The following CAPS2 variants were observed in gnomAD, a reference collection of about 807,000 sequenced individuals.
CAPS2 encodes the protein calcyphosine 2.
CAPS2 carries 98 observed loss-of-function variants against 86.5 expected under a neutral mutation model. The observed-to-expected ratio is 1.13, with a 90% CI of 0.96 to 1.34. The LOEUF (loss-of-function observed/expected upper bound fraction) is 1.34. Ranked by LOEUF, CAPS2 falls within the 40% of genes most tolerant of loss-of-function variation. The probability of loss-of-function intolerance (pLI) is 0.00; values close to 1 mark genes in which losing one functional copy is unlikely to be tolerated. For synonymous variants in CAPS2, 210 were observed against 225.1 expected, an observed-to-expected ratio of 0.93 and a Z score of 0.60; for missense variants, 729 against 686.8, an observed-to-expected ratio of 1.06 and a Z score of -0.69.
intron 1 of CAPS2, among the ~76,000 whole-genome samples, chr12:75,388,877 T>C (rs2045427962): frequency 6.6e-6 from 1 of 152,188 alleles, no homozygotes; most frequent in African/African-American, 2.4e-5. Flanking sequence ...AGTTTATGTA[T>C]GTGTGGGGAC....
chr12:75,293,181 C>T (rs2036298519), intron 12 of CAPS2, 68 bp downstream of exon 12: 1 of 942,782 alleles, frequency 1.1e-6, no homozygotes, highest in African/African-American at 1.6e-5. Flanking sequence ...AGTAGAATGT[C>T]ATTTTAAGAT....
upstream of CAPS2, chr12:75,326,501 G>T (rs2040800387): frequency 6.5e-7 from 1 of 1,527,976 alleles, no homozygotes; most frequent in Non-Finnish European, 8.9e-7. Context: ...AAATCCATTT[G>T]AGTTCCTGTG....
chr12:75,293,175 G>A, intron 12 of CAPS2, 74 bp downstream of exon 12: 1 of 896,930 alleles, frequency 1.1e-6, no homozygotes, highest in Non-Finnish European at 1.8e-6. Context: ...CCTTATAGTA[G>A]AATGTCATTT....
intron 8 of CAPS2, among the ~76,000 whole-genome samples, chr12:75,301,988 C>T: frequency 6.6e-6 from 1 of 152,134 alleles, no homozygotes; most frequent in East Asian, 1.9e-4. Flanking sequence ...CAACCACAAG[C>T]TACTCCTTAC....
upstream of CAPS2, among the ~76,000 whole-genome samples, chr12:75,327,656 C>T (rs905125040): frequency 6.6e-5 from 10 of 151,566 alleles, no homozygotes; most frequent in African/African-American, 2.4e-4. Flanking sequence ...TTGCCATTTT[C>T]TTATAATTTA....
intron 16 of CAPS2, among the ~76,000 whole-genome samples, chr12:75,279,862 G>A (rs961917983): frequency 6.6e-6 from 1 of 151,898 alleles, no homozygotes; most frequent in Non-Finnish European, 1.5e-5. Context: ...CATAGATTTT[G>A]GTAGAAATTT....
At chr12:75,351,717 T>C (rs1276462753) in intron 1 of CAPS2, among the ~76,000 whole-genome samples, 7 of 152,116 alleles carry the variant, frequency 4.6e-5, no homozygotes, top group Non-Finnish European at 1.0e-4. Flanking sequence ...CAGCTAATTT[T>C]TGTATTTTTA....
At chr12:75,308,321 A>G (rs2038747912) in intron 7 of CAPS2, among the ~76,000 whole-genome samples, 1 of 152,230 alleles carries the variant, frequency 6.6e-6, no homozygotes, top group Non-Finnish European at 1.5e-5. Context: ...AAAGAAATGT[A>G]TGTATGTATT....
upstream of CAPS2, among the ~76,000 whole-genome samples, chr12:75,329,319 T>A (rs1298601420): frequency 6.6e-6 from 1 of 152,206 alleles, no homozygotes; most frequent in South Asian, 2.1e-4. Context: ...CTGGGCTATG[T>A]TGGAGATAGG....
At chr12:75,298,805 G>T (rs1481180995) in intron 10 of CAPS2, 25 bp from the exon 11 acceptor site, 1 of 1,594,646 alleles carries the variant, frequency 6.3e-7, no homozygotes, top group Admixed American at 1.7e-5. Flanking sequence ...AAAAAAAAAT[G>T]GAAAGTTATT....
At chr12:75,355,374 TCAA>T (rs1342426332) in intron 1 of CAPS2, among the ~76,000 whole-genome samples, 1 of 152,104 alleles carries the variant, frequency 6.6e-6, no homozygotes, top group African/African-American at 2.4e-5. Context: ...AAAACACAGC[TCAA>T]CATCATTGGT....
At chr12:75,359,751 A>G (rs2139571269) in intron 1 of CAPS2, 1 of 152,288 alleles carries the variant, frequency 6.6e-6, no homozygotes, top group East Asian at 1.9e-4. Context: ...AAAAAAATTA[A>G]TAAATCATAC....
upstream of CAPS2, chr12:75,334,763 T>A (rs1393576611): frequency 3.7e-6 from 6 of 1,613,978 alleles, no homozygotes; most frequent in South Asian, 2.2e-5. Flanking sequence ...TGTTTATGGA[T>A]CTTGGGTCTG....
At chr12:75,367,498 C>T (rs1427455314) in intron 1 of CAPS2, among the ~76,000 whole-genome samples, 2 of 151,950 alleles carry the variant, frequency 1.3e-5, no homozygotes, top group Non-Finnish European at 2.9e-5. Context: ...ATCAATATAA[C>T]CACCTTCCAT....
chr12:75,276,931 T>G, downstream of CAPS2: 2 of 984,720 alleles, frequency 2.0e-6, no homozygotes, highest in African/African-American at 3.5e-5. Context: ...GTTGTGGATG[T>G]TTGAAATGTC....
chr12:75,278,743 G>GAAAAC (rs1047449500), exon 17 of CAPS2: 52 of 1,325,760 alleles, frequency 3.9e-5, no homozygotes, highest in Non-Finnish European at 4.6e-5. Flanking sequence ...ACATTTTTGA[G>GAAAAC]AAAACAAAAC....
At chr12:75,340,398 A>G (rs1265487372) in intron 1 of CAPS2, among the ~76,000 whole-genome samples, 1 of 151,746 alleles carries the variant, frequency 6.6e-6, no homozygotes, top group East Asian at 1.9e-4. Context: ...TAATGCCTAT[A>G]AGAAAAGAAA....
At chr12:75,291,595 A>ATATATATT (rs1555192058) in intron 13 of CAPS2, 149 bp downstream of exon 13, 1 of 79,910 alleles carries the variant, frequency 1.3e-5, no homozygotes, top group African/African-American at 3.7e-5. Context: ...ATATATATAT[A>ATATATATT]TATATATATA....
At chr12:75,333,447 T>TACACAC (rs34076211), upstream of CAPS2, among the ~76,000 whole-genome samples, 6 of 151,020 alleles carry the variant, frequency 4.0e-5, no homozygotes, top group Admixed American at 3.3e-4. Context: ...CACACACATA[T>TACACAC]ACACACACAC....
Sources: allele counts gnomAD v4.1 joint callset (sites outside exome capture counted in the v4.1 genomes callset), GRCh38; gene constraint gnomAD v4.1.1; transcripts MANE v1.5; gene names NCBI Gene and HGNC (gene_info 2026-07-23, HGNC 2026-07-21).